GOLGA8H: variants seen among roughly 807,000 people sequenced by gnomAD.
GOLGA8H encodes golgin subfamily A member 8H.
A neutral mutation model predicts 82.7 loss-of-function variants in GOLGA8H; 47 were observed. That is an observed-to-expected ratio of 0.57 (90% CI 0.45 to 0.73). GOLGA8H has a LOEUF of 0.73. Among genes scored for constraint, GOLGA8H ranks in the 30% least tolerant of loss-of-function variants. GOLGA8H has a pLI of 0.00. For synonymous variants in GOLGA8H, 108 were observed against 241.6 expected (o/e 0.45, Z 5.13); for missense variants, 372 against 661.0 (o/e 0.56, Z 4.79).
At chr15:30,608,817 C>T in intron 8 of GOLGA8H, 61 bp downstream of exon 8, 1 of 1,305,924 alleles carries the variant, frequency 7.7e-7, no homozygotes, top group Admixed American at 2.0e-5. Flanking sequence ...AGGAGTGAGC[C>T]TAAAGGTCCC....
In GOLGA8H at chr15:30,608,503, C is replaced by G; in HGVS notation, c.433C>G (p.Leu145Val). ...GACATTGAACATACAGAAAGGGAAA[C>G]TAAATACGGACCTGTACCACATGAA... ...IQTLNIQKGK[L>V]NTDLYHMKRS... The change falls in exon 7 of 19, where the codon CTA becomes GTA. Residue 145 changes from leucine (L) to valine (V), a missense_variant. Leu to Val is a conservative substitution (Grantham distance 32). Coordinates refer to ENST00000566740, the MANE Select transcript of GOLGA8H (RefSeq NM_001282490.2). 1 of 1,611,076 alleles carries G rather than the reference C, an allele frequency of 6.2e-7. No individual in the cohort carries two copies. The highest frequency in any genetic ancestry group is 8.5e-7 in the Non-Finnish European group (1 of 1,179,622).
chr15:30,608,094 C>A, intron 5 of GOLGA8H, 26 bp downstream of exon 5: 6 of 1,564,846 alleles, frequency 3.8e-6, no homozygotes, highest in Non-Finnish European at 8.7e-7. Context: ...TTCCTCGCAA[C>A]ATGACTGCTG....
intron 2 of GOLGA8H, 100 bp downstream of exon 2, chr15:30,606,062 A>T: frequency 6.6e-7 from 1 of 1,513,174 alleles, no homozygotes; most frequent in East Asian, 2.5e-5. Context: ...CTGGTTAAGA[A>T]TTCTGGCTTT....
chr15:30,609,604 G>T (rs1286827818), intron 8 of GOLGA8H, among the ~76,000 whole-genome samples: 1 of 151,470 alleles, frequency 6.6e-6, no homozygotes, highest in East Asian at 1.9e-4. Context: ...CTGGGCCTCT[G>T]TTAGCCAGCT....
chr15:30,609,120 T>C (rs1210246453), intron 8 of GOLGA8H, among the ~76,000 whole-genome samples: 82 of 66,516 alleles, frequency 1.2e-3, no homozygotes, highest in Non-Finnish European at 8.1e-4. Flanking sequence ...CGTGTGTGCG[T>C]GTGTGTGTGT....
At position 30,614,980 on chromosome 15, in the gene GOLGA8H, CTGT is replaced by C. The variant is rs1437249477; in HGVS notation, c.*424_*426del. Among the ~76,000 whole-genome samples, 1 of 151,760 alleles carries C rather than the reference CTGT, an allele frequency of 6.6e-6. No homozygotes were observed. Among genetic ancestry groups the C allele is most frequent in the African/African-American group, 2.4e-5 (1 of 41,328 alleles). On this transcript the variant is annotated 3_prime_UTR_variant, in exon 19 of 19. Transcript: ENST00000566740. ...TCAGACAAAATTTGCCTATGTTCTG[CTGT>C]TGTTTGATCTAATCTTAATCACAGT...
At chr15:30,606,224 G>A (rs1281331983) in intron 2 of GOLGA8H, among the ~76,000 whole-genome samples, 4 of 151,422 alleles carry the variant, frequency 2.6e-5, no homozygotes, top group Admixed American at 6.6e-5. Flanking sequence ...GCGTGGTGGC[G>A]TGTGCCTGTA....
intron 3 of GOLGA8H, 42 bp downstream of exon 3, chr15:30,606,956 A>C: frequency 6.5e-7 from 1 of 1,545,956 alleles, no homozygotes; most frequent in East Asian, 2.5e-5. Context: ...CTTCGGGTCA[A>C]CCCTCCAACC....
In GOLGA8H at chr15:30,616,926, TCA is replaced by T. The variant is rs1231702813; in HGVS notation, c.*2371_*2372del. On this transcript the variant is annotated 3_prime_UTR_variant, in exon 19 of 19. Coordinates refer to ENST00000566740, the MANE Select transcript of GOLGA8H (RefSeq NM_001282490.2). Reference sequence around the variant, plus strand: ...GTTCATGAGGTGCCTATGGATTAAATCACACACTGGCATATTTAAGCTGAAGG... The same window carrying T: ...GTTCATGAGGTGCCTATGGATTAAATCACACTGGCATATTTAAGCTGAAGG... The T allele has an allele frequency of 6.7e-6, 1 of 149,948 alleles. No homozygotes were observed. The highest frequency in any genetic ancestry group is 2.0e-4 in the East Asian group (1 of 5,064). 9.3% of individuals were successfully genotyped at this position (149,948 alleles called of 1,614,324 possible).
chr15:30,613,161 G>T lies in GOLGA8H; in HGVS notation c.1334G>T (p.Ser445Ile). 1 of 1,113,804 alleles carries T rather than the reference G, an allele frequency of 9.0e-7. No individual in the cohort carries two copies. Among genetic ancestry groups the T allele is most frequent in the Non-Finnish European group, 1.3e-6 (1 of 780,772 alleles). The allele number at this position is 1,113,804 out of a possible 1,614,324, so 69.0% of individuals were successfully genotyped here. A position where few individuals can be genotyped will look rare whatever the true frequency, so the allele number is the denominator to read the frequency against. The change falls in exon 15 of 19, where the codon AGT becomes ATT. Residue 445 changes from serine to isoleucine, a missense_variant. Transcript: ENST00000566740. ...EGEEAPRPMP[S>I]VPEDPESREA... ...GAGGAGGCACCTCGGCCCATGCCGA[G>T]TGTCCCAGAGGACCCGGAGAGCAGG...
intron 4 of GOLGA8H, chr15:30,607,725 T>C (rs1202094182): frequency 5.0e-6 from 3 of 598,834 alleles, no homozygotes; most frequent in Non-Finnish European, 8.8e-6. Context: ...ATGAACCCAC[T>C]TCTCTAAATC....
Position 30,605,849 on chromosome 15 carries a change from G to T in GOLGA8H, c.55G>T (p.Glu19Ter). Reference protein sequence around the residue: ...KLAAAKKKLKEYWQKNSPRVP... With the variant: ...KLAAAKKKLK ...CTGCTCTTCTTTCCAACAGTTAAAA[G>T]AATATTGGCAGAAAAACAGCCCTAG... Residue 19 changes from glutamate to a stop codon, truncating the protein, a stop_gained, in exon 2 of 19, where the codon GAA becomes TAA. Coordinates refer to ENST00000566740, the MANE Select transcript of GOLGA8H (RefSeq NM_001282490.2). LOFTEE classifies it high-confidence loss of function. The T allele has an allele frequency of 2.5e-6, 4 of 1,586,462 alleles. No homozygotes were observed. Among genetic ancestry groups the T allele is most frequent in the Non-Finnish European group, 3.4e-6 (4 of 1,172,182 alleles).
rs2060101056 is a variant in GOLGA8H at position 30,616,011 on chromosome 15, CAG to C, written c.*1453_*1454del. 6.6e-6 allele frequency among the ~76,000 whole-genome samples: 1 copy of C among 151,768 alleles called. No homozygotes were observed. The highest frequency in any genetic ancestry group is 1.5e-5 in the Non-Finnish European group (1 of 67,950). ...ATCAGGAAACGTGTCTATACAATCA[CAG>C]AGCTATATTTTCTCACAGACTTCTT... On this transcript the variant is annotated 3_prime_UTR_variant, in exon 19 of 19. Transcript: ENST00000566740.
intron 10 of GOLGA8H, 62 bp downstream of exon 10, chr15:30,610,168 G>C: frequency 1.9e-6 from 3 of 1,605,166 alleles, no homozygotes; most frequent in Non-Finnish European, 2.6e-6. Flanking sequence ...CTGGGCATCT[G>C]TAAAATGGGA....
At position 30,608,551 on chromosome 15, in the gene GOLGA8H, G is replaced by A. The variant is rs2059962602; in HGVS notation, c.481G>A (p.Glu161Lys). The change falls in exon 7 of 19, where the codon GAA becomes AAA. Residue 161 changes from glutamate (E) to lysine (K), a missense_variant and splice_region_variant. By Grantham distance (56) the Glu-to-Lys change is moderately conservative. Coordinates refer to ENST00000566740, the MANE Select transcript of GOLGA8H (RefSeq NM_001282490.2). ...HMKRSLRYFEEKSKDLAVCLQ... is the reference protein window; with the variant it reads ...HMKRSLRYFEKKSKDLAVCLQ... ...GAAACGTTCTCTCAGATACTTTGAA[G>A]GTGGGAATCTGGGCACCCTGTCATC... The A allele has an allele frequency of 6.2e-7, 1 of 1,610,134 alleles. No individual in the cohort carries two copies. The highest frequency in any genetic ancestry group is 1.1e-5 in the South Asian group (1 of 90,972).
rs1483153991 is a variant in GOLGA8H at position 30,610,054 on chromosome 15, T to C, written c.734T>C (p.Leu245Pro). 1.2e-6 allele frequency: 2 copies of C among 1,611,428 alleles called. No individual in the cohort carries two copies. The highest frequency in any genetic ancestry group is 3.3e-5 in the Admixed American group (2 of 59,964). The change falls in exon 10 of 19, where the codon CTA becomes CCA. Residue 245 changes from leucine (L) to proline (P), a missense_variant. Transcript: ENST00000566740. ...GAAAGAGATGAGTGTGCTGAACATC[T>C]AAAAGGAGAGAGGGCCCGGTGGCAG... ...QLERDECAEHLKGERARWQQR... is the reference protein window; with the variant it reads ...QLERDECAEHPKGERARWQQR...
intron 13 of GOLGA8H, among the ~76,000 whole-genome samples, 177 bp downstream of exon 13, chr15:30,611,523 G>A (rs2060020051): frequency 6.6e-6 from 1 of 151,314 alleles, no homozygotes; most frequent in South Asian, 2.1e-4. Flanking sequence ...TTTTAAAGGT[G>A]GGTAGCCCTG....
Position 30,610,126 on chromosome 15 carries a change from C to A in GOLGA8H, c.786+20C>A. 1.2e-6 allele frequency: 2 copies of A among 1,609,322 alleles called. No homozygotes were observed. The highest frequency in any genetic ancestry group is 1.1e-5 in the South Asian group (1 of 90,948). On this transcript the variant is annotated intron_variant, in intron 10 of 18. Transcript: ENST00000566740. ...CAGGAGGTGAGATCTCACCCTTCAG[C>A]CCCCCCACATTAGATAGGTCACTGG... is the stretch of plus-strand genomic sequence containing the variant.
rs1324138943 is a variant in GOLGA8H at position 30,610,305 on chromosome 15, T to C, written c.790T>C (p.Cys264Arg). 8.0e-7 allele frequency: 1 copy of C among 1,255,760 alleles called. No individual in the cohort carries two copies. Among genetic ancestry groups the C allele is most frequent in the African/African-American group, 1.6e-5 (1 of 63,852 alleles). 77.8% of individuals were successfully genotyped at this position (1,255,760 alleles called of 1,614,324 possible). Reference sequence around the variant, plus strand: ...TTTCCCCTTGTGCTTTGGGCAGATTTGCACATTAAAGAAAGAGAAGCAGCA... The same window carrying C: ...TTTCCCCTTGTGCTTTGGGCAGATTCGCACATTAAAGAAAGAGAAGCAGCA... ...QRMRKMSQEICTLKKEKQQDM... is the reference protein window; with the variant it reads ...QRMRKMSQEIRTLKKEKQQDM... Residue 264 changes from cysteine to arginine, a missense_variant, in exon 11 of 19, where the codon TGC becomes CGC. Transcript: ENST00000566740.
Sources: allele counts gnomAD v4.1 joint callset (sites outside exome capture counted in the v4.1 genomes callset), GRCh38; gene constraint gnomAD v4.1.1; transcripts MANE v1.5; gene names NCBI Gene and HGNC (gene_info 2026-07-23, HGNC 2026-07-21).